Variants in LAMA2 observed in about 807,000 individuals in gnomAD.
LAMA2 encodes the protein laminin subunit alpha-2.
A neutral mutation model predicts 364.8 loss-of-function variants in LAMA2; 269 were observed. The ratio of observed to expected loss-of-function variants is 0.74; its 90% CI spans 0.67 to 0.82. LAMA2 has a LOEUF of 0.82. Among genes scored for constraint, LAMA2 ranks in the 40% least tolerant of loss-of-function variants. The pLI is 0.00. For synonymous variants in LAMA2, 1,379 were observed against 1,370.6 expected, an observed-to-expected ratio of 1.01 and a Z score of -0.14; for missense variants, 3,807 against 3,873.2, an observed-to-expected ratio of 0.98 and a Z score of 0.45.
chr6:129,437,531 T>A (rs1056443600), intron 41 of LAMA2, among the ~76,000 whole-genome samples: 1 of 152,034 alleles, frequency 6.6e-6, no homozygotes, highest in Non-Finnish European at 1.5e-5. Flanking sequence ...TATTTACATG[T>A]TGCATTTCTG....
chr6:129,265,138 A>G (rs928353776), intron 15 of LAMA2, among the ~76,000 whole-genome samples: 9 of 152,162 alleles, frequency 5.9e-5, no homozygotes, highest in African/African-American at 2.2e-4. Context: ...TCAGATGACA[A>G]GTGGAGTAAT....
chr6:129,027,839 T>G (rs1785938615), intron 1 of LAMA2, among the ~76,000 whole-genome samples: 1 of 151,944 alleles, frequency 6.6e-6, no homozygotes, highest in Admixed American at 6.6e-5. Flanking sequence ...TATTAAGAGA[T>G]AAAATTATAA....
intron 12 of LAMA2, among the ~76,000 whole-genome samples, chr6:129,238,389 G>A (rs977412795): frequency 6.6e-6 from 1 of 152,044 alleles, no homozygotes; most frequent in Non-Finnish European, 1.5e-5. Context: ...CTTCAAAGTA[G>A]GTATTTTCAT....
At chr6:128,973,044 C>T (rs967391129) in intron 1 of LAMA2, among the ~76,000 whole-genome samples, 10 of 151,878 alleles carry the variant, frequency 6.6e-5, no homozygotes, top group African/African-American at 1.2e-4. Context: ...GATTAGACAA[C>T]GTATTAATTT....
chr6:129,288,042 T>G lies in LAMA2; in HGVS notation c.2733T>G (p.Asp911Glu). Residue 911 changes from aspartate to glutamate, a missense_variant, in exon 19 of 65, where the codon GAT becomes GAG. Asp to Glu is a conservative substitution (Grantham distance 45). Coordinates refer to ENST00000421865, the MANE Select transcript of LAMA2 (RefSeq NM_000426.4). ...ATGGATATTTTGGAGATGCAGTTGATGCGAAGAACTGTCAGCGTAAGTCCT... is the reference window on the plus strand; with the variant it reads ...ATGGATATTTTGGAGATGCAGTTGAGGCGAAGAACTGTCAGCGTAAGTCCT... The part of the protein sequence containing the change: ...CADGYFGDAV[D>E]AKNCQPCRCN... 1 of 1,613,964 alleles carries G rather than the reference T, an allele frequency of 6.2e-7. No homozygotes were observed. Among genetic ancestry groups the G allele is most frequent in the Non-Finnish European group, 8.5e-7 (1 of 1,179,826 alleles).
intron 6 of LAMA2, among the ~76,000 whole-genome samples, chr6:129,148,526 A>G (rs186758553): frequency 6.6e-6 from 1 of 152,198 alleles, no homozygotes; most frequent in Non-Finnish European, 1.5e-5. Flanking sequence ...GCATGCACAG[A>G]CAGGAGATTT....
At chr6:129,227,247 G>A (rs940972880) in intron 12 of LAMA2, among the ~76,000 whole-genome samples, 1 of 152,006 alleles carries the variant, frequency 6.6e-6, no homozygotes, top group African/African-American at 2.4e-5. Context: ...CTTTTTTCAA[G>A]GTTTTTAGCT....
At chr6:129,130,442 G>A (rs1274869742) in intron 4 of LAMA2, among the ~76,000 whole-genome samples, 1 of 152,186 alleles carries the variant, frequency 6.6e-6, no homozygotes, top group Non-Finnish European at 1.5e-5. Flanking sequence ...TTTCTTAAAA[G>A]ACTGCCACAC....
chr6:129,442,160 T>C (rs772233152), intron 43 of LAMA2: 301 of 1,264,002 alleles, frequency 2.4e-4, no homozygotes, highest in Non-Finnish European at 3.1e-4. Flanking sequence ...TGGTATTATA[T>C]GCCATAAAAT....
At chr6:129,419,928 A>T (rs960189085) in intron 40 of LAMA2, among the ~76,000 whole-genome samples, 9 of 152,158 alleles carry the variant, frequency 5.9e-5, no homozygotes, top group African/African-American at 2.2e-4. Context: ...AATGTACAGT[A>T]CTATATAAAG....
chr6:128,905,592 T>C (rs1777393477), intron 1 of LAMA2: 2 of 151,984 alleles, frequency 1.3e-5, no homozygotes, highest in African/African-American at 2.4e-5. Flanking sequence ...TATAATTTCT[T>C]TTTTGTTTGT....
intron 35 of LAMA2, among the ~76,000 whole-genome samples, chr6:129,386,550 A>G (rs1319120664): frequency 2.6e-5 from 4 of 152,136 alleles, no homozygotes; most frequent in Non-Finnish European, 1.5e-5. Context: ...AAAATAATGG[A>G]AATAAAAATT....
chr6:128,924,419 G>A (rs74833827), intron 1 of LAMA2, among the ~76,000 whole-genome samples: 5,254 of 152,150 alleles, frequency 0.035, 320 homozygotes, highest in African/African-American at 0.12. Flanking sequence ...GGAGAAAGAG[G>A]AAGAGAAGGA....
At chr6:129,501,679 C>A (rs1331936339) in intron 58 of LAMA2, among the ~76,000 whole-genome samples, 1 of 152,170 alleles carries the variant, frequency 6.6e-6, no homozygotes. Context: ...AAGTGCAGAT[C>A]TTAAAAACAG....
chr6:129,124,751 A>G (rs1317169607), intron 4 of LAMA2, among the ~76,000 whole-genome samples: 1 of 152,244 alleles, frequency 6.6e-6, no homozygotes, highest in Admixed American at 6.5e-5. Context: ...GTTCAGAATT[A>G]TTTATTAATA....
At chr6:129,171,275 G>T (rs1780133872) in intron 9 of LAMA2, among the ~76,000 whole-genome samples, 1 of 152,286 alleles carries the variant, frequency 6.6e-6, no homozygotes, top group South Asian at 2.1e-4. Flanking sequence ...AGCATCGATG[G>T]TCTTTACAAT....
At chr6:129,308,449 T>A (rs375462739) in intron 22 of LAMA2, among the ~76,000 whole-genome samples, 1 of 152,210 alleles carries the variant, frequency 6.6e-6, no homozygotes, top group Admixed American at 6.5e-5. Flanking sequence ...GTTCAAGATA[T>A]AAATCAGGAT....
At chr6:129,006,359 A>C (rs1229919850) in intron 1 of LAMA2, among the ~76,000 whole-genome samples, 2 of 152,188 alleles carry the variant, frequency 1.3e-5, no homozygotes, top group African/African-American at 4.8e-5. Flanking sequence ...TTGTTTTAGC[A>C]AGAAATGAGT....
intron 1 of LAMA2, among the ~76,000 whole-genome samples, chr6:128,891,530 G>T (rs886086460): frequency 4.6e-5 from 7 of 151,932 alleles, no homozygotes; most frequent in Non-Finnish European, 7.4e-5. Context: ...TTGGTTTGTC[G>T]TGGTACATAT....
Sources: allele counts gnomAD v4.1 joint callset (sites outside exome capture counted in the v4.1 genomes callset), GRCh38; gene constraint gnomAD v4.1.1; transcripts MANE v1.5; gene names NCBI Gene and HGNC (gene_info 2026-07-23, HGNC 2026-07-21).